Variants in SND1 observed in about 807,000 individuals in gnomAD.
SND1 encodes the protein staphylococcal nuclease and tudor domain containing 1, also known as staphylococcal nuclease domain-containing protein 1.
SND1 carries 38 observed loss-of-function variants against 121.7 expected under a neutral mutation model. The ratio of observed to expected loss-of-function variants is 0.31; its 90% CI spans 0.24 to 0.41. The LOEUF (loss-of-function observed/expected upper bound fraction) is 0.41, where lower values mean the gene tolerates loss of function less well. SND1 is among the 10% of genes least tolerant of loss of function. The pLI, the probability that SND1 is intolerant of heterozygous loss-of-function variation, is 1.00. For synonymous variants in SND1, 401 were observed against 447.4 expected (o/e 0.90, Z 1.31); for missense variants, 868 against 1,184.6 (o/e 0.73, Z 3.92).
In SND1 at chr7:127,873,244, G is replaced by C. The variant is rs552165905; in HGVS notation, c.1344-14658G>C. On this transcript the variant is annotated intron_variant, in intron 12 of 23. Transcript: ENST00000354725. The stretch of plus-strand genomic sequence containing the variant: ...GTTAGGGAACCTCACAGGAATTTAT[G>C]TGTTCAGGTAGAGAACACGTCATTA... Among the ~76,000 whole-genome samples the C allele has an allele frequency of 2.0e-5, 3 of 152,262 alleles. No homozygotes were observed. The South Asian group carries it at 6.2e-4, about 32-fold the overall frequency.
chr7:127,660,180 A>G lies in SND1; in HGVS notation c.78+7729A>G, dbSNP rs533042192. Among the ~76,000 whole-genome samples the G allele has an allele frequency of 7.9e-5, 12 of 152,304 alleles. No homozygotes were observed. In the South Asian group the frequency reaches 1.2e-3, roughly 16 times the overall value. On this transcript the variant is annotated intron_variant, in intron 1 of 23. Coordinates refer to ENST00000354725, the MANE Select transcript of SND1 (RefSeq NM_014390.4). ...CTTGGTTTCCTTTCAGTAGTGTATCATGATAAACTAGTGGGAGTGTTGCTT... is the reference window on the plus strand; with the variant it reads ...CTTGGTTTCCTTTCAGTAGTGTATCGTGATAAACTAGTGGGAGTGTTGCTT...
intron 2 of SND1, 116 bp from the exon 3 acceptor site, chr7:127,694,712 A>G: frequency 8.4e-7 from 1 of 1,193,346 alleles, no homozygotes; most frequent in South Asian, 1.5e-5. Flanking sequence ...GGTCCAGCGC[A>G]GGGCCAGGAC....
At chr7:128,013,811 C>T (rs377510506) in intron 16 of SND1, among the ~76,000 whole-genome samples, 3 of 152,256 alleles carry the variant, frequency 2.0e-5, no homozygotes, top group Admixed American at 6.5e-5. Flanking sequence ...CCTCCTTAGG[C>T]AGGGCTCTAG....
chr7:127,777,022 C>T (rs1157109221), intron 10 of SND1, among the ~76,000 whole-genome samples: 1 of 152,234 alleles, frequency 6.6e-6, no homozygotes, highest in Non-Finnish European at 1.5e-5. Flanking sequence ...CTCCTGTAGA[C>T]TGCTGCATGC....
chr7:127,699,060 C>A, intron 4 of SND1, 107 bp downstream of exon 4: 1 of 814,134 alleles, frequency 1.2e-6, no homozygotes. Context: ...TTCACACCTT[C>A]GCGGACATTC....
At chr7:127,797,885 G>C (rs760918283) in intron 10 of SND1, among the ~76,000 whole-genome samples, 1 of 152,170 alleles carries the variant, frequency 6.6e-6, no homozygotes. Flanking sequence ...AGGGTCTTGG[G>C]GGAACAAAGA....
chr7:127,994,089 T>C (rs1053854301), intron 16 of SND1, among the ~76,000 whole-genome samples: 1 of 152,254 alleles, frequency 6.6e-6, no homozygotes, highest in Non-Finnish European at 1.5e-5. Flanking sequence ...GCCTGAATTA[T>C]AGTCTTTCCA....
intron 15 of SND1, among the ~76,000 whole-genome samples, chr7:127,973,277 C>T (rs1190280824): frequency 2.0e-5 from 3 of 152,108 alleles, no homozygotes; most frequent in African/African-American, 7.2e-5. Flanking sequence ...CAGATGAATT[C>T]AATAGAAATG....
intron 10 of SND1, among the ~76,000 whole-genome samples, chr7:127,771,452 T>A (rs923820881): frequency 6.6e-6 from 1 of 152,194 alleles, no homozygotes; most frequent in Non-Finnish European, 1.5e-5. Context: ...TGCAGGTAGA[T>A]TGATTATGCT....
chr7:127,957,237 G>C (rs1801614762), intron 15 of SND1, among the ~76,000 whole-genome samples: 1 of 152,176 alleles, frequency 6.6e-6, no homozygotes, highest in South Asian at 2.1e-4. Context: ...GACAGTGTTA[G>C]CACCATGTTG....
chr7:127,670,871 AG>A (rs1176575706), intron 1 of SND1, among the ~76,000 whole-genome samples: 4 of 151,936 alleles, frequency 2.6e-5, no homozygotes. Flanking sequence ...TGGCATAGGA[AG>A]GAAAAGGGAT....
intron 15 of SND1, among the ~76,000 whole-genome samples, chr7:127,952,921 G>C (rs112199978): frequency 6.6e-6 from 1 of 152,128 alleles, no homozygotes; most frequent in Non-Finnish European, 1.5e-5. Context: ...CCAGCACTTT[G>C]GGAGGCCAAG....
At chr7:127,991,275 G>C (rs1423135222) in intron 16 of SND1, among the ~76,000 whole-genome samples, 1 of 152,178 alleles carries the variant, frequency 6.6e-6, no homozygotes, top group Non-Finnish European at 1.5e-5. Flanking sequence ...TGGGATGTGT[G>C]GTGGACACCA....
chr7:127,706,593 A>G (rs1430407958), intron 8 of SND1, among the ~76,000 whole-genome samples: 1 of 152,136 alleles, frequency 6.6e-6, no homozygotes, highest in Non-Finnish European at 1.5e-5. Flanking sequence ...AGTGAATGCA[A>G]TGAAAATAAT....
chr7:127,664,799 T>C (rs1795384556), intron 1 of SND1, among the ~76,000 whole-genome samples: 3 of 152,194 alleles, frequency 2.0e-5, no homozygotes, highest in Admixed American at 1.3e-4. Flanking sequence ...AGTGTCTGAA[T>C]TGAATTGAAT....
intron 10 of SND1, among the ~76,000 whole-genome samples, chr7:127,787,955 C>T (rs537608925): frequency 2.6e-5 from 4 of 152,298 alleles, no homozygotes; most frequent in African/African-American, 9.6e-5. Flanking sequence ...TTAATGGAGA[C>T]ATTTCCACCT....
intron 14 of SND1, among the ~76,000 whole-genome samples, chr7:127,922,180 T>TTTTTTTTTTG (rs1800724152): frequency 1.3e-5 from 1 of 74,134 alleles, no homozygotes; most frequent in Non-Finnish European, 2.9e-5. Flanking sequence ...CTTTCCTTTT[T>TTTTTTTTTTG]TTTTTTTTTT....
intron 16 of SND1, chr7:127,999,443 T>C (rs1377021009): frequency 6.6e-6 from 1 of 151,976 alleles, no homozygotes; most frequent in Non-Finnish European, 1.5e-5. Flanking sequence ...AGTTTCATTT[T>C]TCCCCCCAAG....
At chr7:127,872,355 C>A (rs913272414) in intron 12 of SND1, among the ~76,000 whole-genome samples, 2 of 151,982 alleles carry the variant, frequency 1.3e-5, no homozygotes, top group African/African-American at 4.8e-5. Context: ...TGCTTTCTGG[C>A]CTGAGAGGGC....
Sources: allele counts gnomAD v4.1 joint callset (sites outside exome capture counted in the v4.1 genomes callset), GRCh38; gene constraint gnomAD v4.1.1; transcripts MANE v1.5; gene names NCBI Gene and HGNC (gene_info 2026-07-23, HGNC 2026-07-21).